GRIA1: variants seen among roughly 807,000 people sequenced by gnomAD.
GRIA1 encodes glutamate receptor 1.
In GRIA1, 31 loss-of-function variants were observed where a neutral mutation model predicts 99.2. That is an observed-to-expected ratio of 0.31 (90% CI 0.23 to 0.42). The LOEUF is 0.42. GRIA1 is among the 10% of genes least tolerant of loss of function. The pLI, the probability that GRIA1 is intolerant of heterozygous loss-of-function variation, is 1.00. For synonymous variants in GRIA1, 438 were observed against 432.4 expected (o/e 1.01, Z -0.16); for missense variants, 782 against 1,157.5 (o/e 0.68, Z 4.71).
In GRIA1 at chr5:153,650,588, G is replaced by T. The variant is rs1387316806; in HGVS notation, c.645+74G>T. On this transcript the variant is annotated intron_variant, in intron 4 of 15. Transcript: ENST00000285900. The stretch of plus-strand genomic sequence containing the variant: ...AATAGCCAGACACACTTTTGCCTTG[G>T]GTGTTATAAAGAGGGTTATAAAGAG... The T allele has an allele frequency of 5.5e-6, 8 of 1,449,002 alleles. No individual in the cohort carries two copies. The East Asian group carries it at 1.4e-4, about 25-fold the overall frequency. 89.8% of individuals were successfully genotyped at this position (1,449,002 alleles called of 1,614,324 possible). A position where few individuals can be genotyped will look rare whatever the true frequency, so the allele number is the denominator to read the frequency against.
chr5:153,770,490 T>C (rs62383412), intron 13 of GRIA1, 75 bp downstream of exon 13: 1 of 1,421,314 alleles, frequency 7.0e-7, no homozygotes, highest in Non-Finnish European at 9.8e-7. Flanking sequence ...CTGTGTCTGC[T>C]ACAAGCCTCC....
intron 2 of GRIA1, among the ~76,000 whole-genome samples, chr5:153,617,100 T>A (rs1766575176): frequency 1.3e-5 from 2 of 152,160 alleles, no homozygotes. Flanking sequence ...TACAGAACTA[T>A]GAAGAGATCT....
At chr5:153,794,766 G>A (rs1266426854) in intron 14 of GRIA1, 31 bp downstream of exon 14, 4 of 1,318,154 alleles carry the variant, frequency 3.0e-6, no homozygotes, top group Non-Finnish European at 4.4e-6. Context: ...AAAAAACCTA[G>A]TGGGTATGAA....
chr5:153,577,561 A>G (rs981371376), intron 2 of GRIA1, among the ~76,000 whole-genome samples: 4 of 152,192 alleles, frequency 2.6e-5, no homozygotes, highest in Non-Finnish European at 5.9e-5. Flanking sequence ...TCCATCCCAA[A>G]GTCTGGATTT....
At chr5:153,528,590 G>A (rs1299398886) in intron 2 of GRIA1, among the ~76,000 whole-genome samples, 3 of 152,202 alleles carry the variant, frequency 2.0e-5, no homozygotes, top group Non-Finnish European at 4.4e-5. Flanking sequence ...TGATGCTGAT[G>A]CTGCTGGTCC....
At chr5:153,571,940 TAAG>T (rs1274756033) in intron 2 of GRIA1, among the ~76,000 whole-genome samples, 2 of 152,138 alleles carry the variant, frequency 1.3e-5, no homozygotes, top group Non-Finnish European at 2.9e-5. Flanking sequence ...TAGGAAAACT[TAAG>T]AAGTTGCCAT....
chr5:153,771,028 T>C (rs1353946250), intron 13 of GRIA1, among the ~76,000 whole-genome samples: 1 of 152,210 alleles, frequency 6.6e-6, no homozygotes, highest in Non-Finnish European at 1.5e-5. Context: ...AAAGAAATCC[T>C]GATATTCATT....
chr5:153,570,001 C>T (rs926076311), intron 2 of GRIA1, among the ~76,000 whole-genome samples: 24 of 152,156 alleles, frequency 1.6e-4, no homozygotes, highest in Non-Finnish European at 3.5e-4. Flanking sequence ...TGCAGCCTTA[C>T]CTTACTAATT....
intron 13 of GRIA1, among the ~76,000 whole-genome samples, chr5:153,786,106 G>A (rs1194228799): frequency 6.6e-6 from 1 of 152,066 alleles, no homozygotes; most frequent in Non-Finnish European, 1.5e-5. Context: ...ATATACATTT[G>A]CTTAGAACTG....
intron 2 of GRIA1, among the ~76,000 whole-genome samples, chr5:153,613,981 G>T (rs765497437): frequency 6.6e-6 from 1 of 152,092 alleles, no homozygotes; most frequent in Non-Finnish European, 1.5e-5. Flanking sequence ...CAATCTTCAC[G>T]CTGTAGCCAC....
chr5:153,631,244 T>C (rs949697766), intron 2 of GRIA1, among the ~76,000 whole-genome samples: 2 of 152,192 alleles, frequency 1.3e-5, no homozygotes, highest in African/African-American at 4.8e-5. Flanking sequence ...ACCATCTCTT[T>C]GGATTCACCA....
At chr5:153,545,589 A>T (rs1004014185) in intron 2 of GRIA1, among the ~76,000 whole-genome samples, 3 of 152,170 alleles carry the variant, frequency 2.0e-5, no homozygotes, top group Non-Finnish European at 4.4e-5. Context: ...TTAGTTCACC[A>T]CTACAGCAAT....
intron 5 of GRIA1, among the ~76,000 whole-genome samples, chr5:153,657,992 G>C (rs1448759374): frequency 6.6e-6 from 1 of 152,102 alleles, no homozygotes; most frequent in Non-Finnish European, 1.5e-5. Flanking sequence ...CTTAGTGCTA[G>C]AGCGGACTTA....
chr5:153,512,923 G>C (rs1180788016), intron 2 of GRIA1, among the ~76,000 whole-genome samples: 1 of 152,146 alleles, frequency 6.6e-6, no homozygotes, highest in East Asian at 1.9e-4. Context: ...CTCTATAAGA[G>C]ACACCAGAAT....
intron 13 of GRIA1, among the ~76,000 whole-genome samples, chr5:153,774,575 C>T (rs537680146): frequency 1.4e-4 from 21 of 152,170 alleles, no homozygotes; most frequent in Non-Finnish European, 2.8e-4. Flanking sequence ...GGCTTACTGC[C>T]TGTAGTTGTA....
intron 13 of GRIA1, among the ~76,000 whole-genome samples, chr5:153,788,669 T>C (rs776836700): frequency 2.0e-5 from 3 of 152,240 alleles, no homozygotes; most frequent in Non-Finnish European, 2.9e-5. Context: ...TATTCTCTTA[T>C]TGCTTGTTTC....
At chr5:153,624,874 C>T (rs1767438704) in intron 2 of GRIA1, among the ~76,000 whole-genome samples, 2 of 152,142 alleles carry the variant, frequency 1.3e-5, no homozygotes, top group Non-Finnish European at 2.9e-5. Flanking sequence ...GGTTTGAGGA[C>T]TCCAGGTTTG....
intron 2 of GRIA1, among the ~76,000 whole-genome samples, chr5:153,577,696 C>T (rs755969966): frequency 6.6e-6 from 1 of 152,158 alleles, no homozygotes; most frequent in Non-Finnish European, 1.5e-5. Flanking sequence ...CTTATTTATT[C>T]ATTGATTATG....
intron 11 of GRIA1, among the ~76,000 whole-genome samples, chr5:153,725,804 C>A (rs1290720926): frequency 7.7e-6 from 1 of 130,664 alleles, no homozygotes; most frequent in Non-Finnish European, 1.6e-5. Context: ...GACTTTAACA[C>A]CCCACTGTCA....
Sources: allele counts gnomAD v4.1 joint callset (sites outside exome capture counted in the v4.1 genomes callset), GRCh38; gene constraint gnomAD v4.1.1; transcripts MANE v1.5; gene names NCBI Gene and HGNC (gene_info 2026-07-23, HGNC 2026-07-21).